The following PI4KA variants were observed in gnomAD, a reference collection of about 807,000 sequenced individuals.
PI4KA encodes the protein phosphatidylinositol 4-kinase alpha, also known as PI4-kinase alpha.
PI4KA carries 122 observed loss-of-function variants against 271.4 expected under a neutral mutation model. The ratio of observed to expected loss-of-function variants is 0.45; its 90% confidence interval spans 0.39 to 0.52. The LOEUF (loss-of-function observed/expected upper bound fraction) is 0.52. Among genes scored for constraint, PI4KA ranks in the 20% least tolerant of loss-of-function variants. The pLI is 0.00. For missense variants in PI4KA, 1,969 were observed against 2,769.1 expected, an observed-to-expected ratio of 0.71 and a Z score of 6.48; for synonymous variants, 1,041 against 1,078.8, an observed-to-expected ratio of 0.96 and a Z score of 0.69.
intron 30 of PI4KA, among the ~76,000 whole-genome samples, chr22:20,744,266 G>A (rs2147294274): frequency 6.6e-6 from 1 of 152,114 alleles, no homozygotes; most frequent in East Asian, 1.9e-4. Flanking sequence ...CTTAATCTTG[G>A]GAACCTCCGT....
chr22:20,731,041 A>C (rs1050997153), intron 36 of PI4KA, among the ~76,000 whole-genome samples: 21 of 152,014 alleles, frequency 1.4e-4, no homozygotes, highest in Non-Finnish European at 4.4e-5. Flanking sequence ...TAGCCAGGGG[A>C]CCTGGCATGT....
chr22:20,819,152 G>A (rs763277098), intron 6 of PI4KA, among the ~76,000 whole-genome samples: 1 of 152,186 alleles, frequency 6.6e-6, no homozygotes, highest in Non-Finnish European at 1.5e-5. Context: ...GGGAGGCAGT[G>A]TGTCATATGT....
intron 18 of PI4KA, among the ~76,000 whole-genome samples, chr22:20,793,851 C>A (rs1934803687): frequency 6.6e-6 from 1 of 152,222 alleles, no homozygotes; most frequent in African/African-American, 2.4e-5. Flanking sequence ...ATCTTCAGTA[C>A]ACACTGATTA....
intron 23 of PI4KA, 112 bp from the exon 24 acceptor site, chr22:20,753,292 A>G (rs771384445): frequency 3.6e-5 from 35 of 963,380 alleles, no homozygotes; most frequent in Non-Finnish European, 5.5e-5. Flanking sequence ...TGGCAAAGAC[A>G]GCACAGAGCT....
intron 42 of PI4KA, among the ~76,000 whole-genome samples, chr22:20,725,072 T>C (rs552426920): frequency 6.6e-6 from 1 of 152,340 alleles, no homozygotes; most frequent in East Asian, 1.9e-4. Context: ...GCTGCTGTTC[T>C]AGAAGCACTT....
intron 19 of PI4KA, among the ~76,000 whole-genome samples, chr22:20,772,211 A>G (rs1009066389): frequency 6.6e-6 from 1 of 152,216 alleles, no homozygotes; most frequent in East Asian, 1.9e-4. Flanking sequence ...GCTGGAGGCC[A>G]AGGGGCAATT....
chr22:20,847,617 T>C (rs1041471205), intron 1 of PI4KA, among the ~76,000 whole-genome samples: 12 of 152,104 alleles, frequency 7.9e-5, no homozygotes, highest in Admixed American at 3.9e-4. Flanking sequence ...CATGGTGGCT[T>C]GTGCCTGTAG....
At chr22:20,743,301 C>T (rs756573427) in intron 30 of PI4KA, among the ~76,000 whole-genome samples, 2 of 151,974 alleles carry the variant, frequency 1.3e-5, no homozygotes, top group Non-Finnish European at 2.9e-5. Flanking sequence ...TGCGCCACCA[C>T]GCCTGGCTAA....
At chr22:20,783,891 G>A in intron 19 of PI4KA, 1 of 1,594,934 alleles carries the variant, frequency 6.3e-7, no homozygotes, top group South Asian at 1.1e-5. Context: ...GGCCTCCAGG[G>A]AAATCAGATT....
intron 18 of PI4KA, among the ~76,000 whole-genome samples, chr22:20,793,663 C>T (rs919809784): frequency 5.9e-5 from 9 of 152,178 alleles, no homozygotes; most frequent in Non-Finnish European, 1.3e-4. Context: ...AGGAAGAAAT[C>T]TGTCAAAGTG....
chr22:20,779,982 C>G, intron 19 of PI4KA: 2 of 1,614,164 alleles, frequency 1.2e-6, no homozygotes, highest in Non-Finnish European at 1.7e-6. Context: ...AGTCAATGAC[C>G]TTTATATCCA....
intron 19 of PI4KA, among the ~76,000 whole-genome samples, chr22:20,771,101 G>A (rs1366858884): frequency 6.6e-6 from 1 of 152,108 alleles, no homozygotes; most frequent in Admixed American, 6.5e-5. Flanking sequence ...AATGGAGTAT[G>A]TGTGACAGGA....
In PI4KA at chr22:20,712,654, G is replaced by T. The variant is rs5996656; in HGVS notation, c.5676+39C>A. 0.29 allele frequency: 366,312 copies of T among 1,278,024 alleles called. 98,666 individuals carry two copies. The highest frequency in any genetic ancestry group is 0.46 in the African/African-American group (30,000 of 65,648). 79.2% of individuals were successfully genotyped at this position (1,278,024 alleles called of 1,614,324 possible). ...TTCTGAGGCCCGCTGGGTGCGAGGT[G>T]CCCAGGGCTGCCCTACTGGCTCCAC... On this transcript the variant is annotated intron_variant, in intron 49 of 54. Transcript: ENST00000255882.
At chr22:20,776,158 C>G (rs754764822) in intron 19 of PI4KA, among the ~76,000 whole-genome samples, 13 of 151,990 alleles carry the variant, frequency 8.6e-5, no homozygotes, top group Non-Finnish European at 1.5e-4. Flanking sequence ...CCCATCTTTA[C>G]CAAAAACACA....
At position 20,829,720 on chromosome 22, in the gene PI4KA, T is replaced by C. The variant is rs375248308; in HGVS notation, c.367+4842A>G. Among the ~76,000 whole-genome samples, 10 of 152,266 alleles carry C rather than the reference T, an allele frequency of 6.6e-5. No individual in the cohort carries two copies. The East Asian group carries it at 1.9e-3, about 29-fold the overall frequency. Reference sequence around the variant, plus strand: ...AGCTTTGGGGTTAGTTTGTTCTTATTTCTTTAGTTCCTCTAGTTGTGATGT... The same window carrying C: ...AGCTTTGGGGTTAGTTTGTTCTTATCTCTTTAGTTCCTCTAGTTGTGATGT... On this transcript the variant is annotated intron_variant, in intron 3 of 54. Transcript: ENST00000255882.
chr22:20,774,881 C>T (rs1039878842), intron 19 of PI4KA, among the ~76,000 whole-genome samples: 2 of 151,876 alleles, frequency 1.3e-5, no homozygotes, highest in Admixed American at 6.6e-5. Flanking sequence ...CACACACGTA[C>T]GTACACACAC....
chr22:20,851,374 C>T (rs1311311692), intron 1 of PI4KA, among the ~76,000 whole-genome samples: 2 of 152,036 alleles, frequency 1.3e-5, no homozygotes, highest in African/African-American at 2.4e-5. Flanking sequence ...CGGAGTCTTG[C>T]TCTGTCGCCC....
chr22:20,775,455 G>C (rs920174809), intron 19 of PI4KA, among the ~76,000 whole-genome samples: 2 of 152,216 alleles, frequency 1.3e-5, no homozygotes, highest in African/African-American at 4.8e-5. Context: ...ATCAGATAAT[G>C]TGGGAACAGG....
At chr22:20,814,605 G>A (rs748171588) in intron 7 of PI4KA, among the ~76,000 whole-genome samples, 11 of 150,340 alleles carry the variant, frequency 7.3e-5, no homozygotes, top group Admixed American at 1.3e-4. Flanking sequence ...AAAATTAGCC[G>A]GATACAGCAC....
Sources: allele counts gnomAD v4.1 joint callset (sites outside exome capture counted in the v4.1 genomes callset), GRCh38; gene constraint gnomAD v4.1.1; transcripts MANE v1.5; gene names NCBI Gene and HGNC (gene_info 2026-07-23, HGNC 2026-07-21).